Variants in VTI1A observed in about 807,000 individuals in gnomAD.
VTI1A encodes vesicle transport through interaction with t-SNAREs homolog 1A.
A neutral mutation model predicts 34.9 loss-of-function variants in VTI1A; 22 were observed. That is an observed-to-expected ratio of 0.63 (90% CI 0.45 to 0.90). The LOEUF (loss-of-function observed/expected upper bound fraction) is 0.90, where lower values mean the gene tolerates loss of function less well. VTI1A is among the 40% of genes least tolerant of loss of function. The pLI is 0.00. For missense variants in VTI1A, 268 were observed against 275.6 expected, an observed-to-expected ratio of 0.97 and a Z score of 0.20; for synonymous variants, 87 against 97.3, an observed-to-expected ratio of 0.89 and a Z score of 0.62.
intron 3 of VTI1A, among the ~76,000 whole-genome samples, chr10:112,497,614 T>G (rs893877204): frequency 1.1e-4 from 17 of 152,216 alleles, no homozygotes; most frequent in African/African-American, 3.9e-4. Flanking sequence ...AGGTTTGTTT[T>G]TAACTAACTT....
chr10:112,812,361 T>A (rs1421159820), intron 7 of VTI1A, among the ~76,000 whole-genome samples: 6 of 152,224 alleles, frequency 3.9e-5, no homozygotes, highest in Admixed American at 3.9e-4. Flanking sequence ...TCTCCCCAAG[T>A]TCCTTCGCTG....
intron 5 of VTI1A, among the ~76,000 whole-genome samples, chr10:112,612,903 G>C (rs12245411): frequency 6.8e-6 from 1 of 148,138 alleles, no homozygotes; most frequent in African/African-American, 2.5e-5. Context: ...TGGACACCTA[G>C]TCACTTCTCA....
intron 4 of VTI1A, among the ~76,000 whole-genome samples, chr10:112,527,955 C>T (rs1850294572): frequency 6.6e-6 from 1 of 151,940 alleles, no homozygotes; most frequent in African/African-American, 2.4e-5. Flanking sequence ...GTTTTAAGAA[C>T]CTCATTGTAG....
At chr10:112,762,939 T>A (rs1851520161) in intron 7 of VTI1A, among the ~76,000 whole-genome samples, 1 of 152,114 alleles carries the variant, frequency 6.6e-6, no homozygotes, top group African/African-American at 2.4e-5. Flanking sequence ...AATGCTAGTT[T>A]TAAATATATA....
chr10:112,530,730 G>A (rs1258352653), intron 4 of VTI1A, among the ~76,000 whole-genome samples: 1 of 152,078 alleles, frequency 6.6e-6, no homozygotes, highest in African/African-American at 2.4e-5. Context: ...GGCTTGCTGT[G>A]CATAAAGTGT....
At chr10:112,749,132 T>C (rs550392224) in intron 7 of VTI1A, among the ~76,000 whole-genome samples, 1 of 152,174 alleles carries the variant, frequency 6.6e-6, no homozygotes, top group Non-Finnish European at 1.5e-5. Flanking sequence ...ATATATGCAT[T>C]AATACATGAA....
intron 7 of VTI1A, among the ~76,000 whole-genome samples, chr10:112,698,915 A>G (rs1430738151): frequency 6.6e-6 from 1 of 152,198 alleles, no homozygotes; most frequent in Non-Finnish European, 1.5e-5. Flanking sequence ...TCAGTCCACC[A>G]GAGAAGAAAA....
chr10:112,617,202 C>G (rs931075858), intron 5 of VTI1A, among the ~76,000 whole-genome samples: 3 of 152,146 alleles, frequency 2.0e-5, no homozygotes, highest in African/African-American at 7.2e-5. Flanking sequence ...GGCATCTCAA[C>G]AAGAATTGAA....
intron 7 of VTI1A, among the ~76,000 whole-genome samples, chr10:112,809,884 A>G (rs559704048): frequency 1.1e-4 from 16 of 152,204 alleles, no homozygotes; most frequent in African/African-American, 3.9e-4. Flanking sequence ...GGAGAATACG[A>G]GAGGGACATA....
At chr10:112,585,013 T>C (rs1844090094) in intron 5 of VTI1A, among the ~76,000 whole-genome samples, 1 of 152,236 alleles carries the variant, frequency 6.6e-6, no homozygotes, top group African/African-American at 2.4e-5. Context: ...GAGTAGTATC[T>C]GCATTTTGTT....
At chr10:112,584,728 A>G (rs1844081113) in intron 5 of VTI1A, among the ~76,000 whole-genome samples, 2 of 152,142 alleles carry the variant, frequency 1.3e-5, no homozygotes, top group African/African-American at 4.8e-5. Context: ...CTTTGCACCA[A>G]CCCGTGGAGT....
intron 3 of VTI1A, among the ~76,000 whole-genome samples, chr10:112,486,548 A>G (rs575649076): frequency 7.0e-5 from 10 of 142,418 alleles, no homozygotes; most frequent in Non-Finnish European, 1.3e-4. Flanking sequence ...GCTTAAATCT[A>G]AAACTAGCCT....
At chr10:112,781,695 G>A (rs1393634266) in intron 7 of VTI1A, among the ~76,000 whole-genome samples, 2 of 151,430 alleles carry the variant, frequency 1.3e-5, no homozygotes, top group Non-Finnish European at 2.9e-5. Context: ...ACAAAAATTA[G>A]TGGGGTGTGA....
chr10:112,461,992 A>C (rs927586059), intron 2 of VTI1A, among the ~76,000 whole-genome samples: 6 of 152,202 alleles, frequency 3.9e-5, no homozygotes, highest in African/African-American at 1.4e-4. Context: ...CTGGGATTAC[A>C]GGCATGCACC....
rs1853571745 is a variant in VTI1A at position 112,817,940 on chromosome 10, A to G, written c.*2557A>G. The G allele has an allele frequency of 4.3e-6, 1 of 233,290 alleles. No individual in the cohort carries two copies. Among genetic ancestry groups the G allele is most frequent in the Non-Finnish European group, 8.5e-6 (1 of 117,766 alleles). The allele number at this position is 233,290 out of a possible 1,614,324, so 14.5% of individuals were successfully genotyped here. A position where few individuals can be genotyped will look rare whatever the true frequency, so the allele number is the denominator to read the frequency against. ...TCATGCAGACTAAACAGTTTCCCTG[A>G]CAGAATAAATAAAGTGGATGCTACC... On this transcript the variant is annotated 3_prime_UTR_variant, in exon 8 of 8. Coordinates refer to ENST00000393077, the MANE Select transcript of VTI1A (RefSeq NM_145206.4).
chr10:112,452,605 T>C lies in VTI1A; in HGVS notation c.94+5138T>C, dbSNP rs1338555066. Among the ~76,000 whole-genome samples the C allele has an allele frequency of 2.0e-5, 3 of 151,954 alleles. No individual in the cohort carries two copies. The East Asian group carries it at 5.8e-4, about 29-fold the overall frequency. On this transcript the variant is annotated intron_variant, in intron 1 of 7. Coordinates refer to ENST00000393077, the MANE Select transcript of VTI1A (RefSeq NM_145206.4). The stretch of plus-strand genomic sequence containing the variant: ...AAAATTAAGCTTTTATGGGGTTGTA[T>C]TCATCTTTGAATAATATACATTCAT...
At chr10:112,758,203 G>T (rs948739969) in intron 7 of VTI1A, among the ~76,000 whole-genome samples, 1 of 152,096 alleles carries the variant, frequency 6.6e-6, no homozygotes, top group Non-Finnish European at 1.5e-5. Context: ...TAGAGGAGGG[G>T]GGTCTTGCAC....
At chr10:112,778,457 GA>G (rs1384938180) in intron 7 of VTI1A, among the ~76,000 whole-genome samples, 1 of 152,080 alleles carries the variant, frequency 6.6e-6, no homozygotes, top group Non-Finnish European at 1.5e-5. Context: ...CCACAACCCC[GA>G]TACCATCTGG....
At chr10:112,608,867 G>T (rs1845186803) in intron 5 of VTI1A, among the ~76,000 whole-genome samples, 2 of 152,106 alleles carry the variant, frequency 1.3e-5, no homozygotes, top group African/African-American at 4.8e-5. Context: ...GATGTTAAAT[G>T]ATCAGGATGC....
Sources: gnomAD v4.1 joint callset for allele counts (sites outside exome capture counted in the v4.1 genomes callset) on GRCh38, gnomAD v4.1.1 for gene constraint, MANE v1.5 for transcripts, NCBI Gene and HGNC (gene_info 2026-07-23, HGNC 2026-07-21) for gene names.